PRSS23: variants seen among roughly 807,000 people sequenced by gnomAD.
PRSS23 encodes serine protease 23.
PRSS23 carries 25 observed loss-of-function variants against 34.7 expected under a neutral mutation model. The ratio of observed to expected loss-of-function variants is 0.72; its 90% CI spans 0.53 to 1.01. The LOEUF (loss-of-function observed/expected upper bound fraction) is 1.01, where lower values mean the gene tolerates loss of function less well. Among genes scored for constraint, PRSS23 ranks in the 50% least tolerant of loss-of-function variants. The pLI is 0.00. For synonymous variants in PRSS23, 176 were observed against 186.6 expected, an observed-to-expected ratio of 0.94 and a Z score of 0.46; for missense variants, 445 against 475.6, an observed-to-expected ratio of 0.94 and a Z score of 0.60.
chr11:86,913,755 A>G (rs1306603414), intron 2 of PRSS23, among the ~76,000 whole-genome samples: 1 of 151,522 alleles, frequency 6.6e-6, no homozygotes, highest in Non-Finnish European at 1.5e-5. Flanking sequence ...TTGTGGTGAG[A>G]GGGGAGGCAA....
intron 1 of PRSS23, among the ~76,000 whole-genome samples, chr11:86,806,305 C>T (rs913362076): frequency 6.6e-6 from 1 of 152,200 alleles, no homozygotes; most frequent in African/African-American, 2.4e-5. Flanking sequence ...TAAGTATCCC[C>T]TTCTCTCTGT....
chr11:86,794,021 A>T (rs1446721270), intron 1 of PRSS23, among the ~76,000 whole-genome samples: 1 of 152,164 alleles, frequency 6.6e-6, no homozygotes, highest in Non-Finnish European at 1.5e-5. Context: ...GGATGAATAG[A>T]ATTTTCCACA....
rs1314726332 is a variant in PRSS23 at position 86,878,874 on chromosome 11, C to T, written c.206+55281C>T. On this transcript the variant is annotated intron_variant, in intron 2 of 2. Coordinates refer to the PRSS23 transcript ENST00000533902. Reference sequence around the variant, plus strand: ...GGAAGTGAGGAGCGCCTCTTCCCTGCGGCCATCCCATCTAGGAAGTGAGGA... The same window carrying T: ...GGAAGTGAGGAGCGCCTCTTCCCTGTGGCCATCCCATCTAGGAAGTGAGGA... 5.3e-5 allele frequency among the ~76,000 whole-genome samples: 8 copies of T among 150,672 alleles called. 1 individual carries two copies. Among genetic ancestry groups the T allele is most frequent in the African/African-American group, 9.8e-5 (4 of 40,726 alleles).
chr11:86,873,811 A>G (rs1316724448), intron 2 of PRSS23, among the ~76,000 whole-genome samples: 1 of 152,212 alleles, frequency 6.6e-6, no homozygotes, highest in Admixed American at 6.5e-5. Context: ...AACGGACGGA[A>G]CATGAGAGGC....
intron 2 of PRSS23, among the ~76,000 whole-genome samples, chr11:86,825,796 T>A (rs1464377258): frequency 3.3e-5 from 5 of 150,218 alleles, no homozygotes; most frequent in South Asian, 2.1e-4. Flanking sequence ...GTTGTAGATA[T>A]GCGGCGTTAT....
At chr11:86,951,739 G>A (rs748642261) in exon 3 of PRSS23, 1 of 1,614,178 alleles carries the variant, frequency 6.2e-7, no homozygotes, top group Admixed American at 1.7e-5. Flanking sequence ...GCATTTCAAT[G>A]GCTTCATGAC....
At position 86,818,545 on chromosome 11, in the gene PRSS23, T is replaced by A. The variant is rs1948230525; in HGVS notation, c.-11-4832T>A. ...AATTTTGAAATATCACCTTGTTCTG[T>A]AGATTCAGACTAAACGATCTCAGAT... On this transcript the variant is annotated intron_variant, in intron 1 of 2. Transcript: ENST00000533902. Among the ~76,000 whole-genome samples, 3 of 152,228 alleles carry A rather than the reference T, an allele frequency of 2.0e-5. No homozygotes were observed. In the South Asian group the frequency reaches 6.2e-4, roughly 32 times the overall value.
chr11:86,907,367 C>T (rs570832733), intron 2 of PRSS23, among the ~76,000 whole-genome samples: 1 of 152,086 alleles, frequency 6.6e-6, no homozygotes, highest in Admixed American at 6.5e-5. Context: ...AAAATGTTAG[C>T]AGTGGTGTTA....
intron 2 of PRSS23, among the ~76,000 whole-genome samples, chr11:86,939,354 C>T (rs1949185623): frequency 8.1e-6 from 1 of 123,986 alleles, no homozygotes; most frequent in South Asian, 2.6e-4. Flanking sequence ...AAACACTGAC[C>T]TCAGGAGAAT....
At chr11:86,903,167 C>T (rs751498028) in intron 2 of PRSS23, among the ~76,000 whole-genome samples, 3 of 152,112 alleles carry the variant, frequency 2.0e-5, no homozygotes, top group Non-Finnish European at 2.9e-5. Context: ...CTCCCCACTG[C>T]CCTGTGTTTA....
intron 1 of PRSS23, among the ~76,000 whole-genome samples, chr11:86,822,210 C>T (rs1458750547): frequency 6.6e-6 from 1 of 152,102 alleles, no homozygotes; most frequent in Non-Finnish European, 1.5e-5. Context: ...GTGAAGTTTA[C>T]GTGGTAATTT....
intron 2 of PRSS23, among the ~76,000 whole-genome samples, chr11:86,879,555 C>T (rs1948755081): frequency 1.5e-5 from 2 of 130,750 alleles, no homozygotes; most frequent in African/African-American, 5.9e-5. Context: ...GTGGGGGGGT[C>T]AGCCCCCCGC....
chr11:86,889,356 T>C (rs1948826168), intron 2 of PRSS23, among the ~76,000 whole-genome samples: 1 of 152,198 alleles, frequency 6.6e-6, no homozygotes, highest in Non-Finnish European at 1.5e-5. Context: ...GACTGGGTCA[T>C]TTATAAAGAA....
intron 2 of PRSS23, chr11:86,857,407 C>T (rs2134927829): frequency 3.1e-6 from 1 of 319,866 alleles, no homozygotes; most frequent in Non-Finnish European, 6.0e-6. Context: ...ATCTAAAATA[C>T]ATAATATGTT....
At chr11:86,853,338 T>C (rs1476533539) in intron 2 of PRSS23, among the ~76,000 whole-genome samples, 1 of 123,532 alleles carries the variant, frequency 8.1e-6, no homozygotes, top group Non-Finnish European at 1.6e-5. Context: ...CACCGCAACC[T>C]CCGCCTCCCA....
At chr11:86,804,932 TCCC>T (rs1301683167) in intron 1 of PRSS23, among the ~76,000 whole-genome samples, 1 of 152,144 alleles carries the variant, frequency 6.6e-6, no homozygotes, top group South Asian at 2.1e-4. Context: ...CTACTCTTTC[TCCC>T]CCAAGAATCG....
At chr11:86,933,626 T>G (rs1252483487) in intron 2 of PRSS23, 1 of 152,228 alleles carries the variant, frequency 6.6e-6, no homozygotes, top group African/African-American at 2.4e-5. Flanking sequence ...GGCTATCTTA[T>G]GATAATATTA....
intron 2 of PRSS23, among the ~76,000 whole-genome samples, chr11:86,856,644 CTCA>C (rs1948573609): frequency 6.6e-6 from 1 of 152,300 alleles, no homozygotes; most frequent in African/African-American, 2.4e-5. Flanking sequence ...CAAGGTATTC[CTCA>C]TCAACACTAT....
At chr11:86,903,836 C>T (rs1948926237) in intron 2 of PRSS23, among the ~76,000 whole-genome samples, 1 of 152,094 alleles carries the variant, frequency 6.6e-6, no homozygotes, top group African/African-American at 2.4e-5. Context: ...ACTTCCAGAC[C>T]CCTGGGTAAG....
Sources: allele counts gnomAD v4.1 joint callset (sites outside exome capture counted in the v4.1 genomes callset), GRCh38; gene constraint gnomAD v4.1.1; transcripts MANE v1.5; gene names NCBI Gene and HGNC (gene_info 2026-07-23, HGNC 2026-07-21).